The following FAT4 variants were observed in gnomAD, a reference collection of about 807,000 sequenced individuals.
FAT4 encodes FAT atypical cadherin 4.
FAT4 carries 84 observed loss-of-function variants against 303.9 expected under a neutral mutation model. That is an observed-to-expected ratio of 0.28 (90% confidence interval 0.23 to 0.33). FAT4 has a LOEUF of 0.33. Ranked by LOEUF, FAT4 falls within the 10% of genes least tolerant of loss-of-function variation. The pLI, the probability that FAT4 is intolerant of heterozygous loss-of-function variation, is 1.00. For missense variants in FAT4, 6,005 were observed against 6,146.8 expected (o/e 0.98, Z 0.77); for synonymous variants, 2,307 against 2,298.8 (o/e 1.00, Z -0.10).
At chr4:125,332,180 T>G (rs1731411464) in intron 2 of FAT4, among the ~76,000 whole-genome samples, 1 of 140,772 alleles carries the variant, frequency 7.1e-6, no homozygotes, top group Non-Finnish European at 1.6e-5. Context: ...TTTTTTTCCT[T>G]TCTCAATTTC....
chr4:125,483,826 C>A (rs1375116017), intron 16 of FAT4, among the ~76,000 whole-genome samples: 1 of 150,582 alleles, frequency 6.6e-6, no homozygotes. Context: ...TGTAAGCAGG[C>A]AAATTATTTG....
At chr4:125,412,837 T>G (rs1004484028) in intron 5 of FAT4, among the ~76,000 whole-genome samples, 1 of 151,992 alleles carries the variant, frequency 6.6e-6, no homozygotes, top group Admixed American at 6.6e-5. Flanking sequence ...TTTATATCTT[T>G]GCTTGTTGGT....
At chr4:125,406,720 T>A (rs542009506) in intron 3 of FAT4, among the ~76,000 whole-genome samples, 160 bp from the exon 4 acceptor site, 3 of 152,300 alleles carry the variant, frequency 2.0e-5, no homozygotes, top group African/African-American at 7.2e-5. Context: ...CCGCCTTCGT[T>A]AGTTAGTAAG....
intron 2 of FAT4, 70 bp downstream of exon 2, chr4:125,321,656 T>C: frequency 7.1e-7 from 1 of 1,408,480 alleles, no homozygotes; most frequent in Non-Finnish European, 9.5e-7. Context: ...TTATATTTAC[T>C]CTCTATAATT....
chr4:125,436,671 C>G (rs2126046128), intron 8 of FAT4, among the ~76,000 whole-genome samples: 1 of 152,138 alleles, frequency 6.6e-6, no homozygotes, highest in African/African-American at 2.4e-5. Context: ...TGAGGAAGAG[C>G]AAAATCACGT....
chr4:125,340,125 G>A (rs1397332168), intron 2 of FAT4, among the ~76,000 whole-genome samples: 1 of 151,718 alleles, frequency 6.6e-6, no homozygotes, highest in Non-Finnish European at 1.5e-5. Flanking sequence ...ATTTTTTCAA[G>A]GGCTCTTATT....
intron 7 of FAT4, 135 bp downstream of exon 7, chr4:125,416,757 C>A: frequency 1.3e-6 from 1 of 753,766 alleles, no homozygotes; most frequent in Non-Finnish European, 2.2e-6. Context: ...ACCAGCCTGA[C>A]CAACATGGTG....
At position 125,451,820 on chromosome 4, in the gene FAT4, A is replaced by T. The variant is rs76491994; in HGVS notation, c.10810A>T (p.Ile3604Phe). 1 of 1,614,142 alleles carries T rather than the reference A, an allele frequency of 6.2e-7. No individual in the cohort carries two copies. Among genetic ancestry groups the T allele is most frequent in the Non-Finnish European group, 8.5e-7 (1 of 1,180,006 alleles). The change falls in exon 10 of 18, where the codon ATC (isoleucine) becomes TTC (phenylalanine). Residue 3604 changes from isoleucine (I) to phenylalanine (F), a missense_variant. By Grantham distance (21) the Ile-to-Phe change is conservative (BLOSUM62 0). Coordinates refer to ENST00000394329, the MANE Select transcript of FAT4 (RefSeq NM_001291303.3). The part of the protein sequence containing the change: ...PQMSSTGTVH[I>F]TVIDQNDNPS... ...AATGTCTTCCACAGGAACTGTGCATATCACAGTTATAGACCAAAATGACAA... is the reference window on the plus strand; with the variant it reads ...AATGTCTTCCACAGGAACTGTGCATTTCACAGTTATAGACCAAAATGACAA...
At chr4:125,353,139 C>T (rs1297546208) in intron 2 of FAT4, among the ~76,000 whole-genome samples, 1 of 151,626 alleles carries the variant, frequency 6.6e-6, no homozygotes, top group African/African-American at 2.4e-5. Flanking sequence ...TGACCAAAAT[C>T]GGATCTTATT....
intron 2 of FAT4, among the ~76,000 whole-genome samples, chr4:125,381,711 T>G (rs1256522138): frequency 6.6e-6 from 1 of 152,234 alleles, no homozygotes; most frequent in South Asian, 2.1e-4. Flanking sequence ...CAATGAAGTT[T>G]GCGGCTTTGA....
chr4:125,388,192 A>C (rs183753068), intron 2 of FAT4, among the ~76,000 whole-genome samples: 231 of 152,300 alleles, frequency 1.5e-3, no homozygotes, highest in African/African-American at 5.5e-3. Context: ...TCCAATCCAA[A>C]TATTATGAAA....
chr4:125,490,214 G>A lies in FAT4; in HGVS notation c.13398G>A (p.Met4466Ile), dbSNP rs776416394. The change falls in exon 18 of 18, where the codon ATG becomes ATA. Residue 4466 changes from methionine to isoleucine, a missense_variant. By Grantham distance (10) the Met-to-Ile change is conservative. Transcript: ENST00000394329. ...PDSHTGRTCEMVVACLGVLCP... is the reference protein window; with the variant it reads ...PDSHTGRTCEIVVACLGVLCP... ...CGCACACGGGAAGGACCTGTGAGAT[G>A]GTGGTGGCCTGTCTTGGCGTCCTCT... is the stretch of plus-strand genomic sequence containing the variant. The A allele has an allele frequency of 1.9e-6, 3 of 1,614,160 alleles. No homozygotes were observed. The highest frequency in any genetic ancestry group is 2.5e-6 in the Non-Finnish European group (3 of 1,180,042).
chr4:125,324,366 A>G (rs2125949616), intron 2 of FAT4, among the ~76,000 whole-genome samples: 1 of 152,174 alleles, frequency 6.6e-6, no homozygotes, highest in Admixed American at 6.5e-5. Context: ...GGTCTTTGTT[A>G]TTTCAGACCG....
chr4:125,335,315 A>G (rs941383868), intron 2 of FAT4, among the ~76,000 whole-genome samples: 1 of 152,046 alleles, frequency 6.6e-6, no homozygotes, highest in East Asian at 1.9e-4. Context: ...TTTTTGTTGG[A>G]AAAAAAATGT....
chr4:125,317,852 A>T lies in FAT4; in HGVS notation c.1441A>T (p.Arg481Ter). 1.2e-6 allele frequency: 2 copies of T among 1,614,206 alleles called. No homozygotes were observed. The highest frequency in any genetic ancestry group is 1.7e-6 in the Non-Finnish European group (2 of 1,180,030). Residue 481 changes from arginine (R) to a stop codon, truncating the protein, a stop_gained, in exon 2 of 18, where the codon AGA (arginine) becomes TGA (stop). Coordinates refer to ENST00000394329, the MANE Select transcript of FAT4 (RefSeq NM_001291303.3). LOFTEE classifies it high-confidence loss of function. This position sits in a 1 kb window ranked among gnomAD's most constrained non-coding sequence, Gnocchi z 7.0. The part of the protein sequence containing the change: ...HPPVFSQQVY[R>*]VNLSEEAPPG... ...TCCTGTCTTTTCACAGCAAGTGTAC[A>T]GAGTGAACCTGAGCGAGGAGGCGCC...
chr4:125,447,384 AATG>A (rs779203373), intron 9 of FAT4, among the ~76,000 whole-genome samples: 4 of 152,116 alleles, frequency 2.6e-5, no homozygotes, highest in Non-Finnish European at 5.9e-5. Context: ...TTAATCTGAG[AATG>A]ATACCAATCT....
intron 7 of FAT4, among the ~76,000 whole-genome samples, chr4:125,425,685 C>A (rs1480976520): frequency 6.6e-6 from 1 of 151,984 alleles, no homozygotes; most frequent in East Asian, 1.9e-4. Flanking sequence ...ATAGACAATG[C>A]AGTTAGTTGG....
rs773414670 is a variant in FAT4 at position 125,319,846 on chromosome 4, T to G, written c.3435T>G (p.Asp1145Glu). 2 of 1,614,136 alleles carry G rather than the reference T, an allele frequency of 1.2e-6. No homozygotes were observed. The highest frequency in any genetic ancestry group is 1.7e-6 in the Non-Finnish European group (2 of 1,179,998). The change falls in exon 2 of 18, where the codon GAT (aspartate) becomes GAG (glutamate). Residue 1145 changes from aspartate to glutamate, a missense_variant. Physicochemically the swap from Asp to Glu is conservative, Grantham distance 45. Coordinates refer to ENST00000394329, the MANE Select transcript of FAT4 (RefSeq NM_001291303.3). ...VRYSFEMVQP[D>E]FELHAISGEI... Reference sequence around the variant, plus strand: ...ATTCTTTTGAAATGGTGCAGCCAGATTTTGAGTTGCATGCCATCAGTGGGG... The same window carrying G: ...ATTCTTTTGAAATGGTGCAGCCAGAGTTTGAGTTGCATGCCATCAGTGGGG...
intron 2 of FAT4, among the ~76,000 whole-genome samples, chr4:125,383,689 A>T (rs1345898623): frequency 6.6e-6 from 1 of 152,182 alleles, no homozygotes; most frequent in East Asian, 1.9e-4. Context: ...AGCATGATAA[A>T]GGCAAGTGCA....
Sources: allele counts gnomAD v4.1 joint callset (sites outside exome capture counted in the v4.1 genomes callset), GRCh38; gene constraint gnomAD v4.1.1; non-coding constraint Gnocchi (gnomAD v3.1); transcripts MANE v1.5; gene names NCBI Gene and HGNC (gene_info 2026-07-23, HGNC 2026-07-21).